The following LRRC7 variants were observed in gnomAD, a reference collection of about 807,000 sequenced individuals.
The protein encoded by LRRC7 is leucine rich repeat containing 7, also known as leucine-rich repeat-containing protein 7.
Under a neutral mutation model 175.7 loss-of-function variants are expected in LRRC7, and 23 were observed. That is an observed-to-expected ratio of 0.13 (90% CI 0.09 to 0.19). The LOEUF (loss-of-function observed/expected upper bound fraction) is 0.19. Ranked by LOEUF, LRRC7 falls within the 10% of genes least tolerant of loss-of-function variation. The probability of loss-of-function intolerance (pLI) is 1.00; values close to 1 mark genes in which losing one functional copy is unlikely to be tolerated. For missense variants in LRRC7, 1,354 were observed against 1,904.7 expected, an observed-to-expected ratio of 0.71 and a Z score of 5.38; for synonymous variants, 685 against 680.9, an observed-to-expected ratio of 1.01 and a Z score of -0.09.
rs1666958028 is a variant in LRRC7 at position 70,138,662 on chromosome 1, A to AT, written c.*16781dup. The AT allele has an allele frequency of 6.6e-6, 1 of 152,198 alleles. No homozygotes were observed. The highest frequency in any genetic ancestry group is 2.4e-5 in the African/African-American group (1 of 41,452). The allele number at this position is 152,198 out of a possible 1,614,324, so 9.4% of individuals were successfully genotyped here. On this transcript the variant is annotated 3_prime_UTR_variant, in exon 27 of 27. Transcript: ENST00000651989. ...ATTTAAATTCTCAATACCCTATGAG[A>AT]TTTTTTAAACTATTTTAGATTCTTA...
At chr1:69,809,845 C>T (rs534628557) in intron 4 of LRRC7, among the ~76,000 whole-genome samples, 2 of 151,656 alleles carry the variant, frequency 1.3e-5, no homozygotes, top group South Asian at 4.2e-4. Flanking sequence ...GGAAGCATTC[C>T]CTTTTTAAAC....
chr1:69,985,977 C>G (rs1214923841), intron 9 of LRRC7, among the ~76,000 whole-genome samples: 2 of 152,014 alleles, frequency 1.3e-5, no homozygotes, highest in Non-Finnish European at 2.9e-5. Context: ...TGTTTTTATT[C>G]TCAGTGGTAT....
Position 69,678,412 on chromosome 1 carries a change from C to G in LRRC7, c.34C>G (p.Pro12Ala). 4 of 1,603,324 alleles carry G rather than the reference C, an allele frequency of 2.5e-6. No homozygotes were observed. Among genetic ancestry groups the G allele is most frequent in the Non-Finnish European group, 3.4e-6 (4 of 1,175,164 alleles). Residue 12 changes from proline to alanine, a missense_variant, in exon 2 of 27, where the codon CCG becomes GCG. Pro to Ala is a conservative substitution (Grantham distance 27). Transcript: ENST00000651989. ...GAACCTAATAAGGGGAAGGAATCCC[C>G]CGCAATACCAGAGAAGTCCTTGTAA... Reference protein sequence around the residue: ...MENLIRGRNPPQYQRSPCKEV... With the variant: ...MENLIRGRNPAQYQRSPCKEV...
intron 24 of LRRC7, among the ~76,000 whole-genome samples, chr1:70,079,945 C>T (rs1378916622): frequency 6.6e-6 from 1 of 152,170 alleles, no homozygotes; most frequent in Admixed American, 6.5e-5. Context: ...GAAACCAAGG[C>T]AGAGAGAAAA....
intron 16 of LRRC7, chr1:70,021,490 G>A (rs755626675): frequency 4.3e-4 from 70 of 164,262 alleles, no homozygotes; most frequent in Middle Eastern, 2.9e-3. Context: ...TGAGCAAAGC[G>A]TCATGCAGAC....
chr1:69,642,263 T>C (rs551859827), intron 1 of LRRC7, among the ~76,000 whole-genome samples: 1 of 152,110 alleles, frequency 6.6e-6, no homozygotes, highest in South Asian at 2.1e-4. Flanking sequence ...TCATTTTACA[T>C]TTTAAATTAA....
intron 23 of LRRC7, among the ~76,000 whole-genome samples, chr1:70,064,047 C>CA (rs1190331476): frequency 1.3e-5 from 2 of 151,960 alleles, no homozygotes; most frequent in South Asian, 2.1e-4. Context: ...TATCTGACTC[C>CA]AAAAAATTCA....
intron 2 of LRRC7, among the ~76,000 whole-genome samples, chr1:69,688,038 A>G (rs1249997752): frequency 6.6e-6 from 1 of 152,154 alleles, no homozygotes; most frequent in South Asian, 2.1e-4. Context: ...CTTGCTTTTT[A>G]ACTACCTCTT....
At chr1:69,699,777 C>T (rs879088296) in intron 2 of LRRC7, among the ~76,000 whole-genome samples, 2 of 152,184 alleles carry the variant, frequency 1.3e-5, no homozygotes, top group African/African-American at 4.8e-5. Context: ...CAGGAAAACT[C>T]GCACATTTTT....
intron 24 of LRRC7, among the ~76,000 whole-genome samples, chr1:70,084,294 C>T (rs1248292791): frequency 6.6e-6 from 1 of 152,086 alleles, no homozygotes; most frequent in Non-Finnish European, 1.5e-5. Context: ...CAAAAAAAAA[C>T]TTTGCATCCT....
intron 7 of LRRC7, among the ~76,000 whole-genome samples, chr1:69,852,982 A>T (rs1167918004): frequency 6.6e-6 from 1 of 152,188 alleles, no homozygotes; most frequent in Non-Finnish European, 1.5e-5. Context: ...TATAATTGCT[A>T]TAGGTAGCTT....
intron 4 of LRRC7, among the ~76,000 whole-genome samples, chr1:69,815,588 A>G (rs1678488615): frequency 6.6e-6 from 1 of 152,206 alleles, no homozygotes; most frequent in African/African-American, 2.4e-5. Context: ...CTTGACACCA[A>G]AAAGCTCTTT....
intron 23 of LRRC7, among the ~76,000 whole-genome samples, chr1:70,059,180 C>T (rs960449749): frequency 2.6e-5 from 4 of 152,118 alleles, no homozygotes; most frequent in African/African-American, 9.7e-5. Context: ...TGACTCTTTC[C>T]ACCCTGAGTG....
intron 2 of LRRC7, among the ~76,000 whole-genome samples, chr1:69,711,904 T>G (rs1002096780): frequency 6.6e-6 from 1 of 152,092 alleles, no homozygotes; most frequent in Non-Finnish European, 1.5e-5. Context: ...CACAGAAAGA[T>G]GTAGAAAGTT....
chr1:70,112,045 T>C (rs930930324), intron 26 of LRRC7, among the ~76,000 whole-genome samples: 1 of 152,196 alleles, frequency 6.6e-6, no homozygotes. Flanking sequence ...TGTCTATGGC[T>C]GTATTTCAAG....
Position 69,989,546 on chromosome 1 carries a change from C to T in LRRC7, c.931+3160C>T, listed in dbSNP as rs892153942. On this transcript the variant is annotated intron_variant, in intron 10 of 26. Coordinates refer to ENST00000651989, the MANE Select transcript of LRRC7 (RefSeq NM_001370785.2). ...TAAGTTGGAAGACAGTGCTGAGGAA[C>T]AGAACAGGCACATAGAAATTTGTTA... Among the ~76,000 whole-genome samples, 3 of 151,990 alleles carry T rather than the reference C, an allele frequency of 2.0e-5. No individual in the cohort carries two copies. The South Asian group carries it at 6.2e-4, about 32-fold the overall frequency.
At chr1:69,955,554 G>A (rs192089932) in intron 8 of LRRC7, among the ~76,000 whole-genome samples, 111 of 151,908 alleles carry the variant, frequency 7.3e-4, no homozygotes, top group African/African-American at 2.4e-3. Flanking sequence ...ACAACTCTTC[G>A]GGACTTCAAG....
intron 1 of LRRC7, among the ~76,000 whole-genome samples, chr1:69,620,261 CTATT>C (rs1650349617): frequency 1.6e-5 from 1 of 61,620 alleles, no homozygotes; most frequent in African/African-American, 7.4e-5. Context: ...GGATTGATAA[CTATT>C]TACATTTTTT....
intron 7 of LRRC7, among the ~76,000 whole-genome samples, chr1:69,909,994 T>A (rs1056441372): frequency 6.6e-6 from 1 of 152,214 alleles, no homozygotes; most frequent in African/African-American, 2.4e-5. Flanking sequence ...TTCTCTAAAC[T>A]TCCCTTCTTG....
Sources: gnomAD v4.1 joint callset for allele counts (sites outside exome capture counted in the v4.1 genomes callset) on GRCh38, gnomAD v4.1.1 for gene constraint, MANE v1.5 for transcripts, NCBI Gene and HGNC (gene_info 2026-07-23, HGNC 2026-07-21) for gene names.